Variants in RAB2A observed in about 807,000 individuals in gnomAD.
The protein encoded by RAB2A is RAB2A, member RAS oncogene family, also known as ras-related protein Rab-2A.
Under a neutral mutation model 32.5 loss-of-function variants are expected in RAB2A, and 7 were observed. The ratio of observed to expected loss-of-function variants is 0.22; its 90% CI spans 0.12 to 0.40. The LOEUF (loss-of-function observed/expected upper bound fraction) is 0.40, where lower values mean the gene tolerates loss of function less well. Ranked by LOEUF, RAB2A falls within the 10% of genes least tolerant of loss-of-function variation. RAB2A has a pLI of 1.00. For synonymous variants in RAB2A, 79 were observed against 85.2 expected, an observed-to-expected ratio of 0.93 and a Z score of 0.40; for missense variants, 108 against 260.7, an observed-to-expected ratio of 0.41 and a Z score of 4.03.
intron 6 of RAB2A, among the ~76,000 whole-genome samples, chr8:60,616,287 TA>T (rs1219688310): frequency 6.6e-6 from 1 of 152,244 alleles, no homozygotes; most frequent in East Asian, 1.9e-4. Flanking sequence ...AGGCAATTTT[TA>T]TGCAAATTGA....
intron 1 of RAB2A, among the ~76,000 whole-genome samples, chr8:60,540,589 C>T (rs935658838): frequency 2.6e-5 from 4 of 152,314 alleles, no homozygotes; most frequent in East Asian, 1.9e-4. Flanking sequence ...AAGCGATTCC[C>T]GTGCCTCAGC....
intron 2 of RAB2A, among the ~76,000 whole-genome samples, chr8:60,559,649 T>C (rs1462408629): frequency 3.3e-5 from 5 of 152,222 alleles, no homozygotes; most frequent in African/African-American, 1.2e-4. Flanking sequence ...TTAAAAATTA[T>C]ATTCTGAAAG....
intron 3 of RAB2A, among the ~76,000 whole-genome samples, chr8:60,579,314 A>G (rs975344763): frequency 1.3e-5 from 2 of 152,216 alleles, no homozygotes; most frequent in African/African-American, 4.8e-5. Context: ...AAGTGCTGGG[A>G]TTACAGGCGT....
chr8:60,549,222 A>G (rs1229311288), intron 1 of RAB2A, among the ~76,000 whole-genome samples: 1 of 152,030 alleles, frequency 6.6e-6, no homozygotes, highest in Non-Finnish European at 1.5e-5. Flanking sequence ...GACGCTCCTC[A>G]CTTCCCAGAC....
At chr8:60,534,330 G>A (rs924424343) in intron 1 of RAB2A, among the ~76,000 whole-genome samples, 1 of 152,144 alleles carries the variant, frequency 6.6e-6, no homozygotes, top group Non-Finnish European at 1.5e-5. Flanking sequence ...GTGGTGGAAT[G>A]TGCCTGTAGT....
At chr8:60,605,852 T>TATATATAA (rs777621349) in intron 6 of RAB2A, among the ~76,000 whole-genome samples, 9 of 144,778 alleles carry the variant, frequency 6.2e-5, no homozygotes, top group East Asian at 4.1e-4. Context: ...TATATATATA[T>TATATATAA]AATGCTTCAT....
chr8:60,518,695 G>A (rs781277566), intron 1 of RAB2A, among the ~76,000 whole-genome samples: 1 of 151,334 alleles, frequency 6.6e-6, no homozygotes, highest in Non-Finnish European at 1.5e-5. Flanking sequence ...TTTCTGATGC[G>A]TGCGTGCGTG....
intron 6 of RAB2A, among the ~76,000 whole-genome samples, chr8:60,605,832 C>CATTAT (rs1804219938): frequency 8.3e-6 from 1 of 120,806 alleles, no homozygotes; most frequent in African/African-American, 3.8e-5. Context: ...GGGACTAATA[C>CATTAT]ATATATACAT....
At chr8:60,609,480 CTT>C (rs1005869421) in intron 6 of RAB2A, among the ~76,000 whole-genome samples, 4 of 152,334 alleles carry the variant, frequency 2.6e-5, no homozygotes, top group Admixed American at 2.0e-4. Flanking sequence ...GACACAGACT[CTT>C]TTCATTTCTG....
intron 1 of RAB2A, among the ~76,000 whole-genome samples, chr8:60,526,017 G>GCACATATATATATATATA (rs879271913): frequency 3.2e-4 from 24 of 74,208 alleles, no homozygotes; most frequent in Middle Eastern, 7.4e-3. Flanking sequence ...ATGTGTGTGT[G>GCACATATATATATATATA]TACATATATA....
intron 6 of RAB2A, among the ~76,000 whole-genome samples, chr8:60,601,086 A>G (rs752972608): frequency 3.3e-5 from 5 of 152,256 alleles, no homozygotes; most frequent in Non-Finnish European, 7.3e-5. Flanking sequence ...TTTAAAAATG[A>G]GAATTCATCA....
chr8:60,565,634 T>C (rs1808098260), intron 2 of RAB2A, among the ~76,000 whole-genome samples: 1 of 145,938 alleles, frequency 6.9e-6, no homozygotes, highest in South Asian at 2.3e-4. Context: ...TTAAAAGACC[T>C]CTCGAACTTC....
At chr8:60,603,491 C>T (rs1450794889) in intron 6 of RAB2A, among the ~76,000 whole-genome samples, 4 of 152,182 alleles carry the variant, frequency 2.6e-5, no homozygotes, top group Admixed American at 6.5e-5. Flanking sequence ...TTTATGATTT[C>T]ATCCAAGAAG....
rs369449211 is a variant in RAB2A, at chr8:60,569,293, C to CTGTTTGTT, written c.119-2735_119-2728dup. Among the ~76,000 whole-genome samples the CTGTTTGTT allele has an allele frequency of 3.4e-3, 514 of 151,866 alleles. 3 individuals carry two copies. Among genetic ancestry groups the CTGTTTGTT allele is most frequent in the African/African-American group, 0.012 (480 of 41,402 alleles). ...TAACTGGTCTCTTTGCTTCTTGTTT[C>CTGTTTGTT]TGTTTGTTTGTTTGTTTGTTTGTTT... On this transcript the variant is annotated intron_variant, in intron 2 of 7. Coordinates refer to ENST00000262646, the MANE Select transcript of RAB2A (RefSeq NM_002865.3).
chr8:60,557,187 CCAGTTT>C (rs1807951746), intron 1 of RAB2A, among the ~76,000 whole-genome samples: 1 of 152,108 alleles, frequency 6.6e-6, no homozygotes, highest in South Asian at 2.1e-4. Context: ...TTTTGAAATT[CCAGTTT>C]CTTTTCACTG....
At chr8:60,537,112 A>G (rs1365048800) in intron 1 of RAB2A, among the ~76,000 whole-genome samples, 2 of 152,256 alleles carry the variant, frequency 1.3e-5, no homozygotes, top group Admixed American at 6.5e-5. Context: ...TATAAGCCAC[A>G]GTATAAGGTA....
At chr8:60,565,502 AT>A (rs1563471648) in intron 2 of RAB2A, among the ~76,000 whole-genome samples, 1 of 151,894 alleles carries the variant, frequency 6.6e-6, no homozygotes, top group Non-Finnish European at 1.5e-5. Flanking sequence ...TTGAAGCATC[AT>A]TTCTTCCATC....
intron 6 of RAB2A, among the ~76,000 whole-genome samples, chr8:60,601,361 A>G (rs571385820): frequency 6.6e-6 from 1 of 150,604 alleles, no homozygotes; most frequent in South Asian, 2.1e-4. Flanking sequence ...TTTTTTTGAG[A>G]TGGAGTGTCG....
At chr8:60,535,229 TG>T (rs1807539896) in intron 1 of RAB2A, among the ~76,000 whole-genome samples, 1 of 152,254 alleles carries the variant, frequency 6.6e-6, no homozygotes, top group East Asian at 1.9e-4. Context: ...GTAGAAGTTT[TG>T]CTGGTTATTT....
Sources: allele counts gnomAD v4.1 joint callset (sites outside exome capture counted in the v4.1 genomes callset), GRCh38; gene constraint gnomAD v4.1.1; transcripts MANE v1.5; gene names NCBI Gene and HGNC (gene_info 2026-07-23, HGNC 2026-07-21).